The following GRIA4 variants were observed in gnomAD, a reference collection of about 807,000 sequenced individuals.
The protein encoded by GRIA4 is glutamate ionotropic receptor AMPA type subunit 4, also known as glutamate receptor 4.
A neutral mutation model predicts 104.0 loss-of-function variants in GRIA4; 34 were observed. The observed-to-expected ratio is 0.33, with a 90% CI of 0.25 to 0.44. The LOEUF is 0.44. GRIA4 is among the 20% of genes least tolerant of loss of function. GRIA4 has a pLI of 1.00. For missense variants in GRIA4, 750 were observed against 1,096.5 expected, an observed-to-expected ratio of 0.68 and a Z score of 4.46; for synonymous variants, 386 against 381.9, an observed-to-expected ratio of 1.01 and a Z score of -0.13.
chr11:105,969,994 C>T (rs1858601917), intron 14 of GRIA4, among the ~76,000 whole-genome samples: 1 of 152,026 alleles, frequency 6.6e-6, no homozygotes, highest in Non-Finnish European at 1.5e-5. Context: ...GCTTGGGGGT[C>T]AGGTGCAGAG....
chr11:105,933,517 TCATTTC>T (rs1323073304), intron 13 of GRIA4, among the ~76,000 whole-genome samples, 199 bp from the exon 14 acceptor site: 1 of 152,150 alleles, frequency 6.6e-6, no homozygotes, highest in African/African-American at 2.4e-5. Flanking sequence ...TAAATGTCTA[TCATTTC>T]CATGATTTCC....
At chr11:105,941,270 A>C (rs1443555938) in intron 14 of GRIA4, among the ~76,000 whole-genome samples, 28 of 152,198 alleles carry the variant, frequency 1.8e-4, no homozygotes, top group Admixed American at 1.8e-3. Flanking sequence ...TTTTAAATGA[A>C]CAAATTTCAT....
At chr11:105,962,557 G>A (rs961791053) in intron 14 of GRIA4, among the ~76,000 whole-genome samples, 1 of 152,118 alleles carries the variant, frequency 6.6e-6, no homozygotes. Context: ...CAGAAGTCCT[G>A]GAAGTTGATC....
At chr11:105,894,237 AC>A (rs1946559397) in intron 6 of GRIA4, among the ~76,000 whole-genome samples, 1 of 152,138 alleles carries the variant, frequency 6.6e-6, no homozygotes, top group Non-Finnish European at 1.5e-5. Context: ...AATTTAAAAT[AC>A]CTCTGTGTAA....
intron 4 of GRIA4, 47 bp downstream of exon 4, chr11:105,753,267 T>C (rs768324544): frequency 6.3e-7 from 1 of 1,585,282 alleles, no homozygotes; most frequent in Non-Finnish European, 8.7e-7. Flanking sequence ...TAATTTTCAA[T>C]GTGAAATGGC....
chr11:105,862,323 G>C, intron 5 of GRIA4, 115 bp downstream of exon 5: 3 of 641,766 alleles, frequency 4.7e-6, no homozygotes, highest in Non-Finnish European at 8.2e-6. Flanking sequence ...TGTGAGGTTT[G>C]AGAGTTTTCA....
At chr11:105,741,155 A>G (rs1591176112) in intron 3 of GRIA4, among the ~76,000 whole-genome samples, 2 of 152,270 alleles carry the variant, frequency 1.3e-5, no homozygotes, top group Middle Eastern at 3.4e-3. Context: ...CTCATGTGTT[A>G]GATGTGGAAA....
At chr11:105,737,705 T>C (rs1178075150) in intron 3 of GRIA4, among the ~76,000 whole-genome samples, 1 of 152,118 alleles carries the variant, frequency 6.6e-6, no homozygotes, top group Non-Finnish European at 1.5e-5. Flanking sequence ...AAAGGTATAA[T>C]GGTCAAAATC....
At chr11:105,893,441 A>G (rs2136114368) in intron 6 of GRIA4, among the ~76,000 whole-genome samples, 1 of 152,326 alleles carries the variant, frequency 6.6e-6, no homozygotes, top group South Asian at 2.1e-4. Flanking sequence ...GTAAGAAAAT[A>G]TGTATGAAAA....
At chr11:105,875,556 G>A (rs889695269) in intron 5 of GRIA4, among the ~76,000 whole-genome samples, 11 of 152,014 alleles carry the variant, frequency 7.2e-5, no homozygotes, top group African/African-American at 2.4e-4. Context: ...GGCTTTTTTG[G>A]TTGGTAGGCT....
At chr11:105,843,268 G>T (rs1324405035) in intron 4 of GRIA4, among the ~76,000 whole-genome samples, 1 of 152,154 alleles carries the variant, frequency 6.6e-6, no homozygotes, top group Non-Finnish European at 1.5e-5. Context: ...GATTAGAATT[G>T]GCAGTGGAAT....
chr11:105,747,722 C>T (rs550487678), intron 3 of GRIA4, among the ~76,000 whole-genome samples: 14 of 152,036 alleles, frequency 9.2e-5, no homozygotes, highest in South Asian at 4.2e-4. Context: ...TGATATTGAT[C>T]AAAACCAAAA....
At chr11:105,821,938 A>G (rs1236100995) in intron 4 of GRIA4, among the ~76,000 whole-genome samples, 2 of 152,086 alleles carry the variant, frequency 1.3e-5, no homozygotes, top group Admixed American at 1.3e-4. Context: ...CAGCAGAACT[A>G]CTGCACATTG....
chr11:105,899,397 G>T (rs1426577606), intron 7 of GRIA4, among the ~76,000 whole-genome samples: 3 of 152,176 alleles, frequency 2.0e-5, no homozygotes, highest in African/African-American at 7.2e-5. Context: ...GGATTTGTTA[G>T]TTGGCTGTCC....
At chr11:105,616,732 T>C (rs1457223533) in intron 3 of GRIA4, among the ~76,000 whole-genome samples, 2 of 151,786 alleles carry the variant, frequency 1.3e-5, no homozygotes, top group African/African-American at 4.8e-5. Flanking sequence ...AAAGAAATAC[T>C]AGAATTAAAT....
intron 11 of GRIA4, 54 bp from the exon 12 acceptor site, chr11:105,924,345 T>C: frequency 2.9e-6 from 4 of 1,380,566 alleles, no homozygotes; most frequent in South Asian, 2.8e-5. Context: ...CCAGTGCTAA[T>C]TGCTTCATGA....
intron 3 of GRIA4, among the ~76,000 whole-genome samples, chr11:105,696,926 G>GTGGTGTA (rs1467288193): frequency 2.0e-5 from 3 of 151,940 alleles, no homozygotes; most frequent in Admixed American, 6.6e-5. Flanking sequence ...CACCACCCCA[G>GTGGTGTA]CTAATTTTTG....
chr11:105,703,395 G>C (rs1365869179), intron 3 of GRIA4, among the ~76,000 whole-genome samples: 1 of 152,078 alleles, frequency 6.6e-6, no homozygotes, highest in Non-Finnish European at 1.5e-5. Context: ...TAGTCCAGGG[G>C]AAATGTTAAA....
At chr11:105,887,453 A>G (rs559653468) in intron 5 of GRIA4, 66 bp from the exon 6 acceptor site, 104 of 693,734 alleles carry the variant, frequency 1.5e-4, no homozygotes, top group Middle Eastern at 8.2e-4. Flanking sequence ...AAAATAGATA[A>G]TAATTTTAAA....
Sources: allele counts gnomAD v4.1 joint callset (sites outside exome capture counted in the v4.1 genomes callset), GRCh38; gene constraint gnomAD v4.1.1; transcripts MANE v1.5; gene names NCBI Gene and HGNC (gene_info 2026-07-23, HGNC 2026-07-21).